The following MYRIP variants were observed in gnomAD, a reference collection of about 807,000 sequenced individuals.
MYRIP encodes myosin VIIA and Rab interacting protein.
In MYRIP, 49 loss-of-function variants were observed where a neutral mutation model predicts 98.0. The observed-to-expected ratio is 0.50, with a 90% CI of 0.40 to 0.63. MYRIP has a LOEUF of 0.63. Among genes scored for constraint, MYRIP ranks in the 30% least tolerant of loss-of-function variants. The pLI is 0.00. For missense variants in MYRIP, 1,004 were observed against 1,058.2 expected (o/e 0.95, Z 0.71); for synonymous variants, 404 against 409.5 (o/e 0.99, Z 0.16).
chr3:40,056,106 C>T (rs907479333), intron 3 of MYRIP, among the ~76,000 whole-genome samples: 1 of 152,172 alleles, frequency 6.6e-6, no homozygotes, highest in African/African-American at 2.4e-5. Flanking sequence ...GGCTCTTTAG[C>T]GAGCTTGTGT....
intron 13 of MYRIP, among the ~76,000 whole-genome samples, chr3:40,246,179 T>G (rs1009183663): frequency 6.6e-6 from 1 of 152,008 alleles, no homozygotes; most frequent in Admixed American, 6.6e-5. Context: ...AGAGGGTTTT[T>G]TTTTCGGCCA....
rs1186876613 is a variant in MYRIP at position 39,875,501 on chromosome 3, T to C, written c.-30-25286T>C. Among the ~76,000 whole-genome samples the C allele has an allele frequency of 9.4e-3, 1,421 of 151,010 alleles. 14 individuals are homozygous for C. Among genetic ancestry groups the C allele is most frequent in the African/African-American group, 0.023 (947 of 40,512 alleles). ...TTAGTGCTATAAATTTCCCTCTACA[T>C]CCTGCTTTGAATGCGTCCCAGAGAT... is the stretch of plus-strand genomic sequence containing the variant. On this transcript the variant is annotated intron_variant, in intron 1 of 16. Coordinates refer to ENST00000302541, the MANE Select transcript of MYRIP (RefSeq NM_015460.4).
intron 3 of MYRIP, among the ~76,000 whole-genome samples, chr3:40,109,019 T>C (rs1949107365): frequency 6.6e-6 from 1 of 152,196 alleles, no homozygotes; most frequent in Non-Finnish European, 1.5e-5. Context: ...CTACTGTAAT[T>C]ATTCAAACAA....
chr3:40,058,905 G>A (rs1380902927), intron 3 of MYRIP, among the ~76,000 whole-genome samples: 1 of 152,020 alleles, frequency 6.6e-6, no homozygotes, highest in Non-Finnish European at 1.5e-5. Flanking sequence ...TCTACATTAG[G>A]TATTTCTCCT....
At chr3:40,218,632 A>ATATTT (rs1553629296) in intron 11 of MYRIP, among the ~76,000 whole-genome samples, 7 of 90,896 alleles carry the variant, frequency 7.7e-5, no homozygotes, top group East Asian at 4.4e-4. Context: ...ATATATATAT[A>ATATTT]TATATATATA....
intron 2 of MYRIP, among the ~76,000 whole-genome samples, chr3:40,018,976 A>G (rs1259417762): frequency 6.6e-6 from 1 of 152,062 alleles, no homozygotes; most frequent in South Asian, 2.1e-4. Flanking sequence ...CCTCTTTTTC[A>G]TTACTTCCTC....
intron 3 of MYRIP, among the ~76,000 whole-genome samples, chr3:40,123,666 T>C (rs533424005): frequency 1.1e-4 from 17 of 152,174 alleles, no homozygotes; most frequent in Non-Finnish European, 2.1e-4. Flanking sequence ...CTAAGATCCA[T>C]TGTGAGCTGA....
At chr3:39,907,283 T>C (rs1943902123) in intron 2 of MYRIP, among the ~76,000 whole-genome samples, 1 of 152,168 alleles carries the variant, frequency 6.6e-6, no homozygotes. Flanking sequence ...ATTAAATTAT[T>C]AAAATAAGTA....
At chr3:39,810,225 G>C (rs922849208) in intron 1 of MYRIP, among the ~76,000 whole-genome samples, 2 of 152,258 alleles carry the variant, frequency 1.3e-5, no homozygotes, top group Non-Finnish European at 2.9e-5. Flanking sequence ...GGATGGCCAC[G>C]TAGTGCTTGG....
intron 10 of MYRIP, chr3:40,209,087 G>A (rs1262534586): frequency 6.6e-6 from 1 of 152,202 alleles, no homozygotes; most frequent in African/African-American, 2.4e-5. Context: ...AGGAGCTCTG[G>A]GCTGTAATGT....
intron 2 of MYRIP, among the ~76,000 whole-genome samples, chr3:40,038,873 T>G (rs1947442824): frequency 6.6e-6 from 1 of 152,038 alleles, no homozygotes; most frequent in Non-Finnish European, 1.5e-5. Context: ...TTTTTACCAG[T>G]TAGGTCGCAG....
intron 11 of MYRIP, among the ~76,000 whole-genome samples, chr3:40,227,484 T>A (rs2125692854): frequency 6.6e-6 from 1 of 152,256 alleles, no homozygotes; most frequent in East Asian, 1.9e-4. Flanking sequence ...ATATTATTAC[T>A]CCCTTTTTGG....
In MYRIP at chr3:40,106,229, C is replaced by T. The variant is rs530775438; in HGVS notation, c.333-44819C>T. 1.9e-3 allele frequency among the ~76,000 whole-genome samples: 293 copies of T among 152,004 alleles called. 1 individual carries two copies. The highest frequency in any genetic ancestry group is 6.8e-3 in the Middle Eastern group (2 of 294). On this transcript the variant is annotated intron_variant, in intron 3 of 16. Transcript: ENST00000302541. ...ACATCCCCCTTCCCTTCCTCAGGCCCCCGAGACCAGTCTCACCTACATGTG... is the reference window on the plus strand; with the variant it reads ...ACATCCCCCTTCCCTTCCTCAGGCCTCCGAGACCAGTCTCACCTACATGTG...
intron 3 of MYRIP, among the ~76,000 whole-genome samples, chr3:40,138,061 T>C (rs1949817893): frequency 6.6e-6 from 1 of 152,194 alleles, no homozygotes; most frequent in African/African-American, 2.4e-5. Context: ...CCTAGGGAAA[T>C]GGAGCAAAGT....
At chr3:39,972,738 G>A (rs780453373) in intron 2 of MYRIP, among the ~76,000 whole-genome samples, 38 of 151,914 alleles carry the variant, frequency 2.5e-4, no homozygotes, top group Non-Finnish European at 4.3e-4. Flanking sequence ...GCACTCACCT[G>A]CCATTTGTTT....
At chr3:39,972,773 T>G (rs1197355442) in intron 2 of MYRIP, among the ~76,000 whole-genome samples, 2 of 151,948 alleles carry the variant, frequency 1.3e-5, no homozygotes, top group African/African-American at 4.8e-5. Context: ...AATTTTTTTC[T>G]TCTAAAATGA....
chr3:40,215,297 G>A (rs1187013540), intron 11 of MYRIP, among the ~76,000 whole-genome samples: 1 of 152,108 alleles, frequency 6.6e-6, no homozygotes, highest in East Asian at 1.9e-4. Flanking sequence ...ACTTTAAAGA[G>A]TGAAACTACA....
At chr3:40,123,813 T>C (rs1949460139) in intron 3 of MYRIP, among the ~76,000 whole-genome samples, 1 of 152,210 alleles carries the variant, frequency 6.6e-6, no homozygotes, top group Non-Finnish European at 1.5e-5. Context: ...AAGTGTTGAA[T>C]GGCATCCTGT....
rs115187439 is a variant in MYRIP, at chr3:40,002,019, G to A, written c.111-42031G>A. ...ACACAACATATTGCTGGGGATCACA[G>A]CCTTGCACTCTAGAAGTATTGCAGT... On this transcript the variant is annotated intron_variant, in intron 2 of 16. Transcript: ENST00000302541. Among the ~76,000 whole-genome samples, 257 of 152,298 alleles carry A rather than the reference G, an allele frequency of 1.7e-3. 2 individuals are homozygous for A. The highest frequency in any genetic ancestry group is 5.8e-3 in the African/African-American group (241 of 41,568).
Sources: gnomAD v4.1 joint callset for allele counts (sites outside exome capture counted in the v4.1 genomes callset) on GRCh38, gnomAD v4.1.1 for gene constraint, MANE v1.5 for transcripts, NCBI Gene and HGNC (gene_info 2026-07-23, HGNC 2026-07-21) for gene names.